The following NGEF variants were observed in gnomAD, a reference collection of about 807,000 sequenced individuals.
NGEF encodes ephexin-1.
NGEF carries 31 observed loss-of-function variants against 80.9 expected under a neutral mutation model. The observed-to-expected ratio is 0.38, with a 90% CI of 0.29 to 0.52. NGEF has a LOEUF of 0.52. Among genes scored for constraint, NGEF ranks in the 20% least tolerant of loss-of-function variants. The pLI, the probability that NGEF is intolerant of heterozygous loss-of-function variation, is 0.84. For synonymous variants in NGEF, 371 were observed against 370.2 expected, an observed-to-expected ratio of 1.00 and a Z score of -0.03; for missense variants, 709 against 926.2, an observed-to-expected ratio of 0.77 and a Z score of 3.04.
At chr2:232,940,667 C>T (rs983789154) in intron 3 of NGEF, among the ~76,000 whole-genome samples, 1 of 152,086 alleles carries the variant, frequency 6.6e-6, no homozygotes, top group Non-Finnish European at 1.5e-5. Flanking sequence ...TTTAGAAGAA[C>T]ATTTAATAAT....
chr2:232,968,409 T>TTTA (rs1694112746), intron 3 of NGEF, among the ~76,000 whole-genome samples: 1 of 148,096 alleles, frequency 6.8e-6, no homozygotes, highest in African/African-American at 2.5e-5. Context: ...TTTATTTTAT[T>TTTA]TTATTTTATT....
At chr2:232,977,662 T>C (rs370463634) in intron 1 of NGEF, among the ~76,000 whole-genome samples, 24 of 152,150 alleles carry the variant, frequency 1.6e-4, no homozygotes, top group African/African-American at 5.5e-4. Context: ...TAGGCATTCA[T>C]TGTGTTTTGG....
chr2:232,998,994 G>A (rs760495757), intron 1 of NGEF, among the ~76,000 whole-genome samples: 1 of 152,200 alleles, frequency 6.6e-6, no homozygotes, highest in Non-Finnish European at 1.5e-5. Context: ...CTCTGGTCAT[G>A]AGACAGACAG....
intron 5 of NGEF, among the ~76,000 whole-genome samples, chr2:232,896,675 T>G (rs1253093134): frequency 4.3e-4 from 7 of 16,148 alleles, no homozygotes; most frequent in African/African-American, 5.5e-4. Context: ...GGGGTGGGGG[T>G]GGGGGTAGGG....
At position 232,927,879 on chromosome 2, in the gene NGEF, G is replaced by C. The variant is rs563049688; in HGVS notation, c.384-693C>G. 146 of 1,275,022 alleles carry C rather than the reference G, an allele frequency of 1.1e-4. No homozygotes were observed. In the African/African-American group the frequency reaches 1.9e-3, roughly 16 times the overall value. The allele number at this position is 1,275,022 out of a possible 1,614,324, so 79.0% of individuals were successfully genotyped here. The stretch of plus-strand genomic sequence containing the variant: ...GGGCGGCGCGCCGGGGCCGGGACAG[G>C]CGCCCGTCCTCACCTGCCGGGCAGG... On this transcript the variant is annotated intron_variant, in intron 3 of 14. Coordinates refer to ENST00000264051, the MANE Select transcript of NGEF (RefSeq NM_019850.3).
chr2:232,989,202 C>A (rs568659769), intron 1 of NGEF, among the ~76,000 whole-genome samples: 38 of 152,284 alleles, frequency 2.5e-4, no homozygotes, highest in African/African-American at 8.4e-4. Context: ...AATCCCAGCA[C>A]TTTGGGAGCC....
chr2:232,928,186 G>A (rs1203411048), intron 3 of NGEF: 15 of 978,544 alleles, frequency 1.5e-5, no homozygotes, highest in African/African-American at 7.1e-5. Context: ...AGGCTCCCGG[G>A]GTTGCCACGG....
At chr2:232,893,484 C>T (rs1233815343) in intron 6 of NGEF, among the ~76,000 whole-genome samples, 4 of 152,100 alleles carry the variant, frequency 2.6e-5, no homozygotes, top group Admixed American at 6.5e-5. Flanking sequence ...ACAGAAGTGC[C>T]GTGGCAGGGC....
chr2:232,960,870 C>T (rs1036831171), intron 3 of NGEF, among the ~76,000 whole-genome samples: 4 of 152,180 alleles, frequency 2.6e-5, no homozygotes, highest in African/African-American at 9.6e-5. Context: ...AAGAGCAAAG[C>T]TCCATCTCAA....
chr2:232,881,311 C>G lies in NGEF; in HGVS notation c.1838-61G>C, dbSNP rs1223960665. On this transcript the variant is annotated intron_variant, in intron 13 of 14. Coordinates refer to ENST00000264051, the MANE Select transcript of NGEF (RefSeq NM_019850.3). ...CGCACTACCCACCTGCACACTCCCA[C>G]CAAGCCCGCAGCTGAGCCCTGCCTA... is the stretch of plus-strand genomic sequence containing the variant. 6.0e-6 allele frequency: 8 copies of G among 1,339,134 alleles called. No homozygotes were observed. The Admixed American group carries it at 8.5e-5, about 14-fold the overall frequency. The allele number at this position is 1,339,134 out of a possible 1,614,324, so 83.0% of individuals were successfully genotyped here.
intron 3 of NGEF, among the ~76,000 whole-genome samples, chr2:232,932,163 CTTT>C (rs397988249): frequency 2.6e-5 from 3 of 115,578 alleles, no homozygotes; most frequent in African/African-American, 1.0e-4. Context: ...AATCACCTTT[CTTT>C]TTTTTTTTTT....
At chr2:232,932,382 G>T (rs1463912684) in intron 3 of NGEF, among the ~76,000 whole-genome samples, 1 of 151,894 alleles carries the variant, frequency 6.6e-6, no homozygotes, top group Non-Finnish European at 1.5e-5. Flanking sequence ...GGCCGGGCTG[G>T]TCTCGAACTC....
Position 232,920,510 on chromosome 2 carries a change from A to G in NGEF, c.602T>C (p.Ile201Thr). ...CGGGGACCCATTGGTATTGTCTTCTATTTCTGCATCCTGTTGCCTCCTGGT... is the reference window on the plus strand; with the variant it reads ...CGGGGACCCATTGGTATTGTCTTCTGTTTCTGCATCCTGTTGCCTCCTGGT... The part of the protein sequence containing the change: ...IETRRQQDAE[I>T]EDNTNGSPAS... The change falls in exon 5 of 15, where the codon ATA becomes ACA. Residue 201 changes from isoleucine (I) to threonine (T), a missense_variant. By Grantham distance (89) the Ile-to-Thr change is moderately conservative. Transcript: ENST00000264051. 2 of 1,588,576 alleles carry G rather than the reference A, an allele frequency of 1.3e-6. No individual in the cohort carries two copies.
chr2:232,898,495 A>C (rs1280877311), intron 5 of NGEF, among the ~76,000 whole-genome samples: 1 of 152,166 alleles, frequency 6.6e-6, no homozygotes, highest in African/African-American at 2.4e-5. Flanking sequence ...AGGCAACGTC[A>C]CCTGTGAATT....
At chr2:232,884,881 A>C (rs1173008348) in intron 10 of NGEF, 1 of 168,978 alleles carries the variant, frequency 5.9e-6, no homozygotes, top group Admixed American at 6.0e-5. Flanking sequence ...GAATGCCTGA[A>C]GTTTTCTGTG....
At chr2:232,938,183 T>C (rs1182766122) in intron 3 of NGEF, among the ~76,000 whole-genome samples, 1 of 152,210 alleles carries the variant, frequency 6.6e-6, no homozygotes, top group South Asian at 2.1e-4. Flanking sequence ...CAAAAATAGA[T>C]GGCCAAGAAT....
At chr2:232,940,742 C>T (rs922785642) in intron 3 of NGEF, among the ~76,000 whole-genome samples, 3 of 152,100 alleles carry the variant, frequency 2.0e-5, no homozygotes, top group Middle Eastern at 3.2e-3. Flanking sequence ...GTAGTATGCT[C>T]TTACTTTGTT....
At position 232,879,424 on chromosome 2, in the gene NGEF, C is replaced by CGG. The variant is rs1559186659; in HGVS notation, c.*64_*65insCC. On this transcript the variant is annotated 3_prime_UTR_variant, in exon 15 of 15. Transcript: ENST00000264051. Reference sequence around the variant, plus strand: ...TGCTGGCCTGTGCTTCCCAGAGCCCCCCCCCCCCCACCTTCTGTCGGGGTC... The same window carrying CGG: ...TGCTGGCCTGTGCTTCCCAGAGCCCCGGCCCCCCCCCACCTTCTGTCGGGGTC... 15 of 1,112,158 alleles carry CGG rather than the reference C, an allele frequency of 1.3e-5. No individual in the cohort carries two copies. In the African/African-American group the frequency reaches 2.7e-4, roughly 20 times the overall value. The allele number at this position is 1,112,158 out of a possible 1,614,324, so 68.9% of individuals were successfully genotyped here. A position where few individuals can be genotyped will look rare whatever the true frequency, so the allele number is the denominator to read the frequency against.
At chr2:232,989,540 G>A (rs897344654) in intron 1 of NGEF, among the ~76,000 whole-genome samples, 6 of 152,154 alleles carry the variant, frequency 3.9e-5, no homozygotes, top group Non-Finnish European at 8.8e-5. Context: ...GACTAGCACA[G>A]AACCTTAAAT....
Sources: allele counts gnomAD v4.1 joint callset (sites outside exome capture counted in the v4.1 genomes callset), GRCh38; gene constraint gnomAD v4.1.1; transcripts MANE v1.5; gene names NCBI Gene and HGNC (gene_info 2026-07-23, HGNC 2026-07-21).